Variants in CNTLN observed in about 807,000 individuals in gnomAD.
CNTLN encodes centlein, centrosomal protein.
A neutral mutation model predicts 180.0 loss-of-function variants in CNTLN; 212 were observed. The observed-to-expected ratio is 1.18, with a 90% CI of 1.05 to 1.32. The LOEUF (loss-of-function observed/expected upper bound fraction) is 1.32. Among genes scored for constraint, CNTLN ranks in the 40% most tolerant of loss-of-function variants. The pLI is 0.00. For synonymous variants in CNTLN, 722 were observed against 563.1 expected (o/e 1.28, Z -3.99); for missense variants, 2,095 against 1,610.9 (o/e 1.30, Z -5.14).
At chr9:17,248,072 C>T (rs1003390543) in intron 5 of CNTLN, among the ~76,000 whole-genome samples, 4 of 152,156 alleles carry the variant, frequency 2.6e-5, no homozygotes, top group African/African-American at 9.6e-5. Flanking sequence ...GATTCACCTA[C>T]CTCAACCTCC....
chr9:17,266,297 C>T (rs1241758462), intron 5 of CNTLN, among the ~76,000 whole-genome samples: 1 of 152,030 alleles, frequency 6.6e-6, no homozygotes, highest in African/African-American at 2.4e-5. Context: ...CATTATGTAC[C>T]CAGTAGTCAC....
At chr9:17,435,137 A>G (rs1048769646) in intron 18 of CNTLN, among the ~76,000 whole-genome samples, 3 of 152,154 alleles carry the variant, frequency 2.0e-5, no homozygotes, top group Admixed American at 6.5e-5. Context: ...TAAATAATCA[A>G]TTACTCTTGG....
chr9:17,327,078 G>A (rs781319827), intron 8 of CNTLN, among the ~76,000 whole-genome samples: 22 of 152,080 alleles, frequency 1.4e-4, no homozygotes, highest in Non-Finnish European at 2.6e-4. Context: ...GAAACTGAGT[G>A]GGTGGGGGTA....
chr9:17,224,230 TAATTCCATGAAGGCAGC>T (rs1824324043), intron 2 of CNTLN, among the ~76,000 whole-genome samples: 1 of 152,078 alleles, frequency 6.6e-6, no homozygotes, highest in Non-Finnish European at 1.5e-5. Context: ...ACTGAAATGT[TAATTCCATGAAGGCAGC>T]AACTTGGTTT....
intron 2 of CNTLN, among the ~76,000 whole-genome samples, chr9:17,201,468 C>T (rs1189461308): frequency 6.6e-6 from 1 of 151,668 alleles, no homozygotes; most frequent in African/African-American, 2.4e-5. Flanking sequence ...TGGACCTGGG[C>T]TTTTTTTTGG....
intron 3 of CNTLN, among the ~76,000 whole-genome samples, chr9:17,234,820 T>C (rs1825036398): frequency 6.6e-6 from 1 of 152,138 alleles, no homozygotes. Context: ...AAAGAATGGA[T>C]GGATTGATAA....
intron 2 of CNTLN, among the ~76,000 whole-genome samples, chr9:17,203,723 A>T (rs1272008990): frequency 6.6e-6 from 1 of 151,940 alleles, no homozygotes; most frequent in Non-Finnish European, 1.5e-5. Context: ...CGCCCGGCTA[A>T]TTTTTTGTAT....
At chr9:17,491,253 T>C (rs886605274) in intron 25 of CNTLN, among the ~76,000 whole-genome samples, 2 of 152,102 alleles carry the variant, frequency 1.3e-5, no homozygotes, top group African/African-American at 4.8e-5. Flanking sequence ...GAGTACCTTC[T>C]ACATGCCAGG....
At chr9:17,274,076 T>C (rs907948711) in intron 6 of CNTLN, among the ~76,000 whole-genome samples, 1 of 152,102 alleles carries the variant, frequency 6.6e-6, no homozygotes. Context: ...ACGAGCATGG[T>C]CAAGGGGTAC....
chr9:17,165,236 G>A (rs1819987351), intron 2 of CNTLN, among the ~76,000 whole-genome samples: 1 of 152,022 alleles, frequency 6.6e-6, no homozygotes, highest in Admixed American at 6.6e-5. Context: ...CATGTGAAGT[G>A]AAAATTTGAA....
chr9:17,518,502 T>C, the CNTLN span, among the ~76,000 whole-genome samples: 3 of 152,170 alleles, frequency 2.0e-5, no homozygotes. Flanking sequence ...AAGTGTGGCA[T>C]TGATAATGCA....
intron 1 of CNTLN, among the ~76,000 whole-genome samples, chr9:17,135,631 A>T (rs1817660492): frequency 6.6e-6 from 1 of 151,598 alleles, no homozygotes. Context: ...CCCTTTCCGA[A>T]CTGCGGCCAG....
chr9:17,522,848 C>T, the CNTLN span, among the ~76,000 whole-genome samples: 1 of 152,196 alleles, frequency 6.6e-6, no homozygotes, highest in Admixed American at 6.5e-5. Context: ...CTGCATGATG[C>T]CCGCTGACAA....
chr9:17,447,162 C>G, intron 18 of CNTLN: 1 of 218,184 alleles, frequency 4.6e-6, no homozygotes, highest in Non-Finnish European at 9.9e-6. Context: ...AACCTTATCC[C>G]AGCTCAAAAC....
At chr9:17,267,300 G>C (rs183389876) in intron 5 of CNTLN, among the ~76,000 whole-genome samples, 1 of 151,956 alleles carries the variant, frequency 6.6e-6, no homozygotes, top group Non-Finnish European at 1.5e-5. Flanking sequence ...ACTTATGAAG[G>C]TTAGGTTGGC....
chr9:17,520,153 G>A, the CNTLN span, among the ~76,000 whole-genome samples: 16 of 152,158 alleles, frequency 1.1e-4, no homozygotes, highest in Admixed American at 8.5e-4. Flanking sequence ...ATTAATTACT[G>A]TTTGCCTCCT....
intron 1 of CNTLN, among the ~76,000 whole-genome samples, chr9:17,140,615 G>A (rs764894898): frequency 1.8e-4 from 27 of 151,976 alleles, no homozygotes; most frequent in Non-Finnish European, 3.1e-4. Flanking sequence ...TAATTTTTAA[G>A]TTTTTTGTGG....
chr9:17,351,558 TA>T (rs1432878276), intron 12 of CNTLN, among the ~76,000 whole-genome samples: 1 of 152,194 alleles, frequency 6.6e-6, no homozygotes, highest in Non-Finnish European at 1.5e-5. Context: ...GTTTATGTAT[TA>T]TTTTTTTTCT....
chr9:17,215,446 G>GTGT (rs1388981876), intron 2 of CNTLN, among the ~76,000 whole-genome samples: 1 of 151,824 alleles, frequency 6.6e-6, no homozygotes, highest in Non-Finnish European at 1.5e-5. Flanking sequence ...GACATGTGAG[G>GTGT]TGTCAGTCTG....
Sources: allele counts gnomAD v4.1 joint callset (sites outside exome capture counted in the v4.1 genomes callset), GRCh38; gene constraint gnomAD v4.1.1; transcripts MANE v1.5; gene names NCBI Gene and HGNC (gene_info 2026-07-23, HGNC 2026-07-21).